MCF2: variants seen among roughly 807,000 people sequenced by gnomAD.
MCF2 encodes proto-oncogene DBL.
A neutral mutation model predicts 82.5 loss-of-function variants in MCF2; 44 were observed. That is an observed-to-expected ratio of 0.53 (90% CI 0.42 to 0.69). MCF2 has a LOEUF of 0.69. Among genes scored for constraint, MCF2 ranks in the 30% least tolerant of loss-of-function variants. The pLI is 0.00. For synonymous variants in MCF2, 217 were observed against 224.9 expected, an observed-to-expected ratio of 0.96 and a Z score of 0.32; for missense variants, 623 against 663.1, an observed-to-expected ratio of 0.94 and a Z score of 0.66.
At chrX:139,599,152 C>T (rs1298949481) in intron 16 of MCF2, among the ~76,000 whole-genome samples, 2 of 108,165 alleles carry the variant, frequency 1.8e-5, no homozygotes, top group Non-Finnish European at 3.9e-5. Context: ...CATGGCTCTC[C>T]TCTGAATATG....
At chrX:139,642,424 G>A (rs779366415) in intron 1 of MCF2, 1 of 1,209,589 alleles carries the variant, frequency 8.3e-7, no homozygotes, top group African/African-American at 1.7e-5. Flanking sequence ...CCCAGCACTT[G>A]AACTTGGGAA....
chrX:139,652,211 T>C (rs978892470), intron 1 of MCF2, among the ~76,000 whole-genome samples: 1 of 112,037 alleles, frequency 8.9e-6, no homozygotes, highest in Non-Finnish European at 1.9e-5. Context: ...TTTAATCTTA[T>C]TGAATCCTTA....
At chrX:139,652,420 C>T (rs775190989) in intron 1 of MCF2, among the ~76,000 whole-genome samples, 74 of 111,257 alleles carry the variant, frequency 6.7e-4, no homozygotes, top group Admixed American at 4.4e-3. Context: ...TCACAAGGTA[C>T]CATGCAAACT....
At chrX:139,671,887 G>C (rs774729866) in intron 1 of MCF2, among the ~76,000 whole-genome samples, 13 of 111,458 alleles carry the variant, frequency 1.2e-4, no homozygotes, top group South Asian at 3.8e-4. Flanking sequence ...GGCATTGAAT[G>C]TATAAATTAC....
Position 139,607,794 on chromosome X carries a change from A to T in MCF2, c.1402-15T>A. The T allele has an allele frequency of 8.8e-7, 1 of 1,138,600 alleles. No individual in the cohort carries two copies. Among genetic ancestry groups the T allele is most frequent in the Non-Finnish European group, 1.2e-6 (1 of 831,890 alleles). 93.8% of individuals were successfully genotyped at this position (1,138,600 alleles called of 1,213,427 possible). A position where few individuals can be genotyped will look rare whatever the true frequency, so the allele number is the denominator to read the frequency against. ...ACCACTTCAATCTGAAATACAGAAA[A>T]TAAAAGTTAAATTAGCACCTCTGTA... is the stretch of plus-strand genomic sequence containing the variant. On this transcript the variant is annotated splice_polypyrimidine_tract_variant and intron_variant, in intron 11 of 24. Transcript: ENST00000370576.
At chrX:139,626,406 C>A in intron 5 of MCF2, 99 bp from the exon 9 acceptor site, 1 of 599,170 alleles carries the variant, frequency 1.7e-6, no homozygotes, top group South Asian at 3.0e-5. Flanking sequence ...TAGGCAAAGT[C>A]ATAGCCCATG....
At chrX:139,587,396 G>A (rs1171303270) in intron 22 of MCF2, among the ~76,000 whole-genome samples, 1 of 110,401 alleles carries the variant, frequency 9.1e-6, no homozygotes, top group East Asian at 2.9e-4. Context: ...TCAGATCAAA[G>A]GTGACCAAAA....
Position 139,602,277 on chromosome X carries a change from G to T in MCF2, c.1836+129C>A, listed in dbSNP as rs1006402703. ...TTTGTGTGTGTTGGGGGGGAGGGTG[G>T]ATTTGCTCTTTAACTCATATACGTA... On this transcript the variant is annotated intron_variant, in intron 16 of 24. Transcript: ENST00000370576. 3 of 522,967 alleles carry T rather than the reference G, an allele frequency of 5.7e-6. No individual in the cohort carries two copies. The Admixed American group carries it at 9.7e-5, about 17-fold the overall frequency. The allele number at this position is 522,967 out of a possible 1,213,427, so 43.1% of individuals were successfully genotyped here. A position where few individuals can be genotyped will look rare whatever the true frequency, so the allele number is the denominator to read the frequency against.
At chrX:139,665,897 G>A (rs868095531) in intron 1 of MCF2, among the ~76,000 whole-genome samples, 3 of 68,583 alleles carry the variant, frequency 4.4e-5, no homozygotes, top group Non-Finnish European at 7.7e-5. Context: ...AGGTGTGTGT[G>A]TATATATATA....
intron 1 of MCF2, among the ~76,000 whole-genome samples, chrX:139,672,978 T>C (rs1934747527): frequency 8.9e-6 from 1 of 111,900 alleles, no homozygotes; most frequent in African/African-American, 3.3e-5. Context: ...TACTAATTAT[T>C]GCCTCAATTT....
chrX:139,644,185 A>G (rs912024419), upstream of MCF2, among the ~76,000 whole-genome samples: 3 of 112,373 alleles, frequency 2.7e-5, no homozygotes, highest in African/African-American at 9.7e-5. Flanking sequence ...TCTATTTGTA[A>G]GCCAATTGGA....
intron 9 of MCF2, among the ~76,000 whole-genome samples, chrX:139,615,581 A>AATC (rs763834301): frequency 8.9e-6 from 1 of 111,789 alleles, no homozygotes; most frequent in African/African-American, 3.2e-5. Flanking sequence ...GCTTCCAGAG[A>AATC]ATCACTTGGC....
At chrX:139,651,683 A>G (rs1168493052) in intron 2 of MCF2, 37 bp downstream of exon 2, 1 of 912,344 alleles carries the variant, frequency 1.1e-6, no homozygotes, top group East Asian at 3.4e-5. Context: ...ATCAAGTCAT[A>G]TATCTATCTG....
At chrX:139,602,536 G>C in intron 15 of MCF2, 38 bp from the exon 20 acceptor site, 3 of 946,144 alleles carry the variant, frequency 3.2e-6, no homozygotes, top group Non-Finnish European at 4.5e-6. Context: ...TTACTAATTT[G>C]TGAATATGAC....
At chrX:139,649,926 G>A (rs941622807) in intron 2 of MCF2, among the ~76,000 whole-genome samples, 6 of 111,644 alleles carry the variant, frequency 5.4e-5, no homozygotes, top group African/African-American at 1.3e-4. Context: ...TAAATTTACT[G>A]ACACTCACAC....
intron 1 of MCF2, among the ~76,000 whole-genome samples, chrX:139,672,224 T>C (rs1457097846): frequency 8.9e-6 from 1 of 112,341 alleles, no homozygotes; most frequent in Non-Finnish European, 1.9e-5. Context: ...GCTGAGACAA[T>C]TGGGTTTTCT....
chrX:139,592,896 G>C (rs1245013644), intron 19 of MCF2, among the ~76,000 whole-genome samples: 1 of 111,777 alleles, frequency 8.9e-6, no homozygotes, highest in Non-Finnish European at 1.9e-5. Flanking sequence ...CCTGCTTACA[G>C]GTAGTCTCCT....
chrX:139,606,517 C>T (rs1050901461), intron 12 of MCF2, among the ~76,000 whole-genome samples: 1 of 110,536 alleles, frequency 9.0e-6, no homozygotes, highest in Non-Finnish European at 1.9e-5. Flanking sequence ...ACCACCACAC[C>T]TGGCTAATTT....
chrX:139,594,585 T>C (rs1184732909), intron 19 of MCF2, among the ~76,000 whole-genome samples: 1 of 111,633 alleles, frequency 9.0e-6, no homozygotes, highest in African/African-American at 3.3e-5. Flanking sequence ...TCAAGATGGA[T>C]TGAAGACTTA....
Sources: gnomAD v4.1 joint callset for allele counts (sites outside exome capture counted in the v4.1 genomes callset) on GRCh38, gnomAD v4.1.1 for gene constraint, MANE v1.5 for transcripts, NCBI Gene and HGNC (gene_info 2026-07-23, HGNC 2026-07-21) for gene names.